The following SLC8A1 variants were observed in gnomAD, a reference collection of about 807,000 sequenced individuals.
SLC8A1 encodes sodium/calcium exchanger 1.
A neutral mutation model predicts 68.3 loss-of-function variants in SLC8A1; 18 were observed. The ratio of observed to expected loss-of-function variants is 0.26; its 90% CI spans 0.18 to 0.39. The LOEUF is 0.39. Ranked by LOEUF, SLC8A1 falls within the 10% of genes least tolerant of loss-of-function variation. The pLI, the probability that SLC8A1 is intolerant of heterozygous loss-of-function variation, is 1.00. For synonymous variants in SLC8A1, 475 were observed against 415.5 expected, an observed-to-expected ratio of 1.14 and a Z score of -1.74; for missense variants, 985 against 1,156.7, an observed-to-expected ratio of 0.85 and a Z score of 2.15.
intron 6 of SLC8A1, among the ~76,000 whole-genome samples, chr2:40,141,497 T>C (rs752286007): frequency 6.6e-6 from 1 of 152,152 alleles, no homozygotes; most frequent in Non-Finnish European, 1.5e-5. Context: ...GGAGAAGCCA[T>C]TGCAGATGAG....
At chr2:40,415,956 G>C (rs1308426522) in intron 2 of SLC8A1, among the ~76,000 whole-genome samples, 2 of 149,282 alleles carry the variant, frequency 1.3e-5, no homozygotes, top group Non-Finnish European at 3.0e-5. Context: ...CAGCTACTTA[G>C]GAGGCTGAGG....
chr2:40,438,021 C>G (rs140592547), intron 1 of SLC8A1, among the ~76,000 whole-genome samples: 40 of 152,200 alleles, frequency 2.6e-4, no homozygotes, highest in African/African-American at 8.7e-4. Context: ...AGTGGACTAC[C>G]TAGTCCCCAG....
chr2:40,252,214 T>C (rs2062869412), intron 2 of SLC8A1, among the ~76,000 whole-genome samples: 2 of 152,238 alleles, frequency 1.3e-5, no homozygotes, highest in Admixed American at 6.5e-5. Flanking sequence ...GATGTTGGAC[T>C]TCGCGGTTTA....
intron 2 of SLC8A1, among the ~76,000 whole-genome samples, chr2:40,375,470 T>C (rs1024555263): frequency 1.3e-5 from 2 of 152,160 alleles, no homozygotes; most frequent in Non-Finnish European, 2.9e-5. Context: ...GCATTTTAAT[T>C]GGATAGTTTT....
chr2:40,491,614 T>C (rs1308077723), intron 1 of SLC8A1, among the ~76,000 whole-genome samples: 2 of 152,138 alleles, frequency 1.3e-5, no homozygotes, highest in Non-Finnish European at 2.9e-5. Context: ...TGATATTGGC[T>C]GTGGGTTTGC....
intron 7 of SLC8A1, among the ~76,000 whole-genome samples, chr2:40,138,418 C>T (rs544006832): frequency 6.6e-6 from 1 of 152,292 alleles, no homozygotes; most frequent in South Asian, 2.1e-4. Context: ...GCTTCTAGTC[C>T]TGCCTTTTCC....
intron 2 of SLC8A1, among the ~76,000 whole-genome samples, chr2:40,409,052 AC>A (rs1691297663): frequency 1.3e-5 from 2 of 152,178 alleles, no homozygotes; most frequent in African/African-American, 4.8e-5. Context: ...TTTTGACATT[AC>A]AAATATACCA....
intron 2 of SLC8A1, among the ~76,000 whole-genome samples, chr2:40,364,913 T>C (rs959969443): frequency 6.6e-6 from 1 of 152,080 alleles, no homozygotes; most frequent in Non-Finnish European, 1.5e-5. Flanking sequence ...TTGGAGTGTG[T>C]GCAGGTAACA....
At chr2:40,099,932 T>C (rs1160189068) in exon 8 of SLC8A1, 1 of 152,102 alleles carries the variant, frequency 6.6e-6, no homozygotes, top group Non-Finnish European at 1.5e-5. Context: ...ATGTACAATA[T>C]GCTAGTTCCT....
chr2:40,508,909 C>T (rs1268659736), intron 1 of SLC8A1, among the ~76,000 whole-genome samples: 1 of 152,100 alleles, frequency 6.6e-6, no homozygotes, highest in African/African-American at 2.4e-5. Flanking sequence ...ACCCCACTAA[C>T]ATTTAATTCC....
At chr2:40,506,175 C>T (rs1706357258) in intron 1 of SLC8A1, among the ~76,000 whole-genome samples, 1 of 150,710 alleles carries the variant, frequency 6.6e-6, no homozygotes, top group African/African-American at 2.4e-5. Flanking sequence ...TCTTTTCCAA[C>T]CAAATTTTGA....
intron 2 of SLC8A1, among the ~76,000 whole-genome samples, chr2:40,193,200 G>T (rs1378573065): frequency 6.6e-6 from 1 of 152,094 alleles, no homozygotes; most frequent in Non-Finnish European, 1.5e-5. Context: ...CAAAATGAAT[G>T]GTGTGTAGGT....
chr2:40,458,371 C>G (rs1703147791), intron 1 of SLC8A1, among the ~76,000 whole-genome samples: 1 of 152,006 alleles, frequency 6.6e-6, no homozygotes, highest in South Asian at 2.1e-4. Flanking sequence ...CCCCCTTCTA[C>G]TTGAACATTT....
rs1252316905 is a variant in SLC8A1, at chr2:40,170,447, C to T, written c.1930+4378G>A. 16 of 990,192 alleles carry T rather than the reference C, an allele frequency of 1.6e-5. No homozygotes were observed. The East Asian group carries it at 3.8e-4, about 23-fold the overall frequency. 61.3% of individuals were successfully genotyped at this position (990,192 alleles called of 1,614,324 possible). A position where few individuals can be genotyped will look rare whatever the true frequency, so the allele number is the denominator to read the frequency against. ...GTAAGCTAAACATCACACCCAGATG[C>T]ACACATCACAAGCAACGTTAGTTTG... On this transcript the variant is annotated intron_variant, in intron 4 of 7. Coordinates refer to ENST00000406785, the Ensembl canonical transcript of SLC8A1.
chr2:40,181,603 C>T (rs1227908996), intron 2 of SLC8A1, among the ~76,000 whole-genome samples: 1 of 152,100 alleles, frequency 6.6e-6, no homozygotes, highest in Admixed American at 6.5e-5. Flanking sequence ...TCCTCTTGCA[C>T]AGTAAAGCTA....
At chr2:40,192,965 C>T (rs10176352) in intron 2 of SLC8A1, among the ~76,000 whole-genome samples, 17,807 of 152,018 alleles carry the variant, frequency 0.12, 1,132 homozygotes, top group Non-Finnish European at 0.13. Context: ...AGTAACCATC[C>T]GCCACGGGAT....
chr2:40,244,509 G>C (rs923598970), intron 2 of SLC8A1, among the ~76,000 whole-genome samples: 1 of 148,382 alleles, frequency 6.7e-6, no homozygotes, highest in African/African-American at 2.5e-5. Context: ...CAGTTGCTGT[G>C]AGAGAATGTT....
intron 2 of SLC8A1, among the ~76,000 whole-genome samples, chr2:40,274,328 TG>T (rs1267408715): frequency 1.3e-5 from 2 of 151,834 alleles, no homozygotes; most frequent in African/African-American, 4.8e-5. Flanking sequence ...ACATAATTTC[TG>T]GGATTAAAAA....
chr2:40,257,501 C>T (rs1331742209), intron 2 of SLC8A1, among the ~76,000 whole-genome samples: 2 of 151,734 alleles, frequency 1.3e-5, no homozygotes, highest in Non-Finnish European at 2.9e-5. Context: ...CAGTGAGGTC[C>T]CAGAGAAAGG....
Sources: allele counts gnomAD v4.1 joint callset (sites outside exome capture counted in the v4.1 genomes callset), GRCh38; gene constraint gnomAD v4.1.1; transcripts MANE v1.5; gene names NCBI Gene and HGNC (gene_info 2026-07-23, HGNC 2026-07-21).